ZDHHC1: variants seen among roughly 807,000 people sequenced by gnomAD.
ZDHHC1 encodes palmitoyltransferase ZDHHC1.
ZDHHC1 carries 45 observed loss-of-function variants against 46.9 expected under a neutral mutation model. That is an observed-to-expected ratio of 0.96 (90% CI 0.76 to 1.23). The LOEUF (loss-of-function observed/expected upper bound fraction) is 1.23. Ranked by LOEUF, ZDHHC1 falls within the 50% of genes most tolerant of loss-of-function variation. The pLI, the probability that ZDHHC1 is intolerant of heterozygous loss-of-function variation, is 0.00. For synonymous variants in ZDHHC1, 291 were observed against 286.0 expected, an observed-to-expected ratio of 1.02 and a Z score of -0.18; for missense variants, 649 against 670.8, an observed-to-expected ratio of 0.97 and a Z score of 0.36.
intron 9 of ZDHHC1, 32 bp downstream of exon 9, chr16:67,395,452 T>C: frequency 6.4e-7 from 1 of 1,550,530 alleles, no homozygotes; most frequent in South Asian, 1.2e-5. Flanking sequence ...TAACTGGAGA[T>C]GCCCAGTGGC....
At chr16:67,395,825 G>A in intron 8 of ZDHHC1, 1 of 513,086 alleles carries the variant, frequency 1.9e-6, no homozygotes, top group East Asian at 3.4e-5. Context: ...AGCCCCCATG[G>A]GTCTATAGGC....
chr16:67,397,970 T>C (rs1321645829), intron 8 of ZDHHC1, among the ~76,000 whole-genome samples: 1 of 152,156 alleles, frequency 6.6e-6, no homozygotes, highest in Non-Finnish European at 1.5e-5. Context: ...CCACATCCCA[T>C]GCCCTCCCGC....
chr16:67,416,334 A>G lies in ZDHHC1; in HGVS notation c.-202T>C. 5.9e-6 allele frequency: 1 copy of G among 170,238 alleles called. No individual in the cohort carries two copies. The highest frequency in any genetic ancestry group is 1.3e-5 in the Non-Finnish European group (1 of 77,554). 10.5% of individuals were successfully genotyped at this position (170,238 alleles called of 1,614,324 possible). A position where few individuals can be genotyped will look rare whatever the true frequency, so the allele number is the denominator to read the frequency against. ...GCAACGCGCCCGGGAGCGGGGCCCC[A>G]TCCCGGACGGAGACTGGGCCGGTGA... On this transcript the variant is annotated 5_prime_UTR_variant, in exon 1 of 12. It removes an upstream start codon present in the reference 5' UTR. Transcript: ENST00000565726.
intron 1 of ZDHHC1, among the ~76,000 whole-genome samples, chr16:67,413,259 C>G (rs2040779652): frequency 6.6e-6 from 1 of 152,150 alleles, no homozygotes; most frequent in African/African-American, 2.4e-5. Context: ...GATTTTCTAT[C>G]TATGAGTATT....
chr16:67,415,602 T>C (rs1344761794), intron 1 of ZDHHC1, among the ~76,000 whole-genome samples: 3 of 151,264 alleles, frequency 2.0e-5, no homozygotes, highest in African/African-American at 7.3e-5. Context: ...ACTAAAAATA[T>C]AAAACTTAGC....
chr16:67,409,945 C>T (rs2040723959), intron 1 of ZDHHC1, among the ~76,000 whole-genome samples: 1 of 136,322 alleles, frequency 7.3e-6, no homozygotes, highest in African/African-American at 2.8e-5. Context: ...ATGCAAGGGC[C>T]AGCCATCCAA....
chr16:67,413,495 T>C (rs1202394389), intron 1 of ZDHHC1, among the ~76,000 whole-genome samples: 1 of 152,162 alleles, frequency 6.6e-6, no homozygotes, highest in Non-Finnish European at 1.5e-5. Context: ...GCCTTAAAAT[T>C]CTGAGAAGCA....
chr16:67,394,874 G>C lies in ZDHHC1; in HGVS notation c.1185C>G (p.Arg395=), dbSNP rs1404543800. 3.2e-6 allele frequency: 5 copies of C among 1,561,988 alleles called. No homozygotes were observed. In the African/African-American group the frequency reaches 6.8e-5, roughly 21 times the overall value. Reference sequence around the variant, plus strand: ...CGGAATCCGTCGACGAGCTGGAGCGGCGGCTGGGGGCCCTAGGCCCTGCGC... The same window carrying C: ...CGGAATCCGTCGACGAGCTGGAGCGCCGGCTGGGGGCCCTAGGCCCTGCGC... ...DPASGPRAPS[R]RSSSSTDSAD... The change falls in exon 12 of 12, where the codon CGC becomes CGG. Residue 395 remains arginine (R), a synonymous_variant. Coordinates refer to ENST00000565726, the MANE Select transcript of ZDHHC1 (RefSeq NM_001323627.2).
intron 3 of ZDHHC1, chr16:67,404,320 T>TGTGGCGTGATCACCAC (rs2040613043): frequency 5.2e-6 from 1 of 192,966 alleles, no homozygotes; most frequent in African/African-American, 2.3e-5. Flanking sequence ...GCACTTACCA[T>TGTGGCGTGATCACCAC]GTGGCGTGAT....
rs2040555700 is a variant in ZDHHC1 at position 67,401,672 on chromosome 16, C to T, written c.253-540G>A. 6.6e-6 allele frequency among the ~76,000 whole-genome samples: 1 copy of T among 152,146 alleles called. No homozygotes were observed. Among genetic ancestry groups the T allele is most frequent in the African/African-American group, 2.4e-5 (1 of 41,432 alleles). On this transcript the variant is annotated intron_variant, in intron 3 of 11. Coordinates refer to ENST00000565726, the MANE Select transcript of ZDHHC1 (RefSeq NM_001323627.2). This position sits in a 1 kb window ranked among gnomAD's most constrained non-coding sequence, Gnocchi z 4.6. ...ACGGATTCGGACACTTGCTACCTCC[C>T]CTACCAAGAATCTAGGCACCTGGAG...
At position 67,400,964 on chromosome 16, in the gene ZDHHC1, C is replaced by A. The variant is rs1259951461; in HGVS notation, c.421G>T (p.Val141Leu). 3.7e-6 allele frequency: 6 copies of A among 1,613,646 alleles called. No homozygotes were observed. In the South Asian group the frequency reaches 6.6e-5, roughly 18 times the overall value. Reference sequence around the variant, plus strand: ...GCACCCACACACACTCACACATCCACGTTGCACAAGTTGCAGTGCAGGTCT... The same window carrying A: ...GCACCCACACACACTCACACATCCAAGTTGCACAAGTTGCAGTGCAGGTCT... ...IEDLHCNLCN[V>L]DVSARSKHCS... is the part of the protein sequence containing the mutation. The change falls in exon 4 of 12, where the codon GTG (valine) becomes TTG (leucine). Residue 141 changes from valine (V) to leucine (L), a missense_variant. Val to Leu is a conservative substitution (Grantham distance 32). Transcript: ENST00000565726.
chr16:67,399,474 A>G lies in ZDHHC1; in HGVS notation c.429-18T>C. On this transcript the variant is annotated intron_variant, in intron 4 of 11. Transcript: ENST00000565726. ...GAGCGCTCCTGCAGGGAGAGGGGGC[A>G]CAGCGCGATTGGCCGGCTCATTCCC... 1 of 1,598,874 alleles carries G rather than the reference A, an allele frequency of 6.3e-7. No individual in the cohort carries two copies. The highest frequency in any genetic ancestry group is 8.5e-7 in the Non-Finnish European group (1 of 1,169,604).
intron 5 of ZDHHC1, 85 bp from the exon 6 acceptor site, chr16:67,399,029 T>C: frequency 6.6e-7 from 1 of 1,525,880 alleles, no homozygotes; most frequent in Admixed American, 2.1e-5. Flanking sequence ...GGGTCATTGC[T>C]ATGGGCTCAG....
chr16:67,394,484 G>A lies in ZDHHC1; in HGVS notation c.*126C>T. ...GGTGGGGCGGGTATTGCTGAGTCGT[G>A]GGGGAGGGAGGCCGATCCCGCCGGC... On this transcript the variant is annotated 3_prime_UTR_variant, in exon 12 of 12. Coordinates refer to ENST00000565726, the MANE Select transcript of ZDHHC1 (RefSeq NM_001323627.2). The A allele has an allele frequency of 2.5e-6, 2 of 800,598 alleles. No individual in the cohort carries two copies. The highest frequency in any genetic ancestry group is 1.2e-4 in the South Asian group (2 of 16,538). The allele number at this position is 800,598 out of a possible 1,614,324, so 49.6% of individuals were successfully genotyped here. A position where few individuals can be genotyped will look rare whatever the true frequency, so the allele number is the denominator to read the frequency against.
intron 1 of ZDHHC1, among the ~76,000 whole-genome samples, chr16:67,410,855 G>A (rs1269186597): frequency 1.3e-5 from 2 of 151,708 alleles, no homozygotes; most frequent in Admixed American, 6.6e-5. Context: ...TAGTAGAGAC[G>A]GGGTTTCACC....
chr16:67,399,188 C>T (rs1184659617), intron 5 of ZDHHC1, among the ~76,000 whole-genome samples, 167 bp downstream of exon 5: 2 of 152,208 alleles, frequency 1.3e-5, no homozygotes, highest in Non-Finnish European at 1.5e-5. Flanking sequence ...CCATCTCAGC[C>T]GGCACCCAGG....
chr16:67,395,092 C>T (rs755928593), intron 10 of ZDHHC1, 30 bp from the exon 11 acceptor site: 3 of 1,613,124 alleles, frequency 1.9e-6, no homozygotes, highest in South Asian at 1.1e-5. Flanking sequence ...CCTGAGGGCC[C>T]CACATCGCCA....
At chr16:67,395,837 C>T (rs2040420426) in intron 8 of ZDHHC1, 3 of 474,004 alleles carry the variant, frequency 6.3e-6, no homozygotes, top group Non-Finnish European at 1.1e-5. Flanking sequence ...TCTATAGGCC[C>T]AGTTTAGAGA....
At chr16:67,403,550 G>A (rs1380637554) in intron 3 of ZDHHC1, among the ~76,000 whole-genome samples, 1 of 152,070 alleles carries the variant, frequency 6.6e-6, no homozygotes, top group Non-Finnish European at 1.5e-5. Context: ...GGAAATGGGG[G>A]AGAGAGGCAG....
Sources: gnomAD v4.1 joint callset for allele counts (sites outside exome capture counted in the v4.1 genomes callset) on GRCh38, gnomAD v4.1.1 for gene constraint, Gnocchi (gnomAD v3.1) non-coding constraint, MANE v1.5 for transcripts, NCBI Gene and HGNC (gene_info 2026-07-23, HGNC 2026-07-21) for gene names.